Variants in MRTFA observed in about 807,000 individuals in gnomAD.
The protein encoded by MRTFA is myocardin related transcription factor A.
MRTFA carries 20 observed loss-of-function variants against 83.5 expected under a neutral mutation model. That is an observed-to-expected ratio of 0.24 (90% confidence interval 0.17 to 0.35). MRTFA has a LOEUF of 0.35. Among genes scored for constraint, MRTFA ranks in the 10% least tolerant of loss-of-function variants. The pLI is 1.00. For missense variants in MRTFA, 1,200 were observed against 1,224.7 expected, an observed-to-expected ratio of 0.98 and a Z score of 0.30; for synonymous variants, 659 against 541.2, an observed-to-expected ratio of 1.22 and a Z score of -3.02.
rs1424892648 is a variant in MRTFA, at chr22:40,416,207, C to A, written c.2578+779G>T. 6.6e-6 allele frequency among the ~76,000 whole-genome samples: 1 copy of A among 152,156 alleles called. No homozygotes were observed. Among genetic ancestry groups the A allele is most frequent in the African/African-American group, 2.4e-5 (1 of 41,412 alleles). ...GCCCTTGAAGTCATCCTTGGCTGTT[C>A]CTTCCCTCTCCCCCCACTTCATCCA... On this transcript the variant is annotated intron_variant, in intron 14 of 14. Transcript: ENST00000355630. This position sits in a 1 kb window ranked among gnomAD's most constrained non-coding sequence, Gnocchi z 4.2.
intron 6 of MRTFA, among the ~76,000 whole-genome samples, chr22:40,430,950 T>C (rs989517030): frequency 2.0e-5 from 3 of 149,332 alleles, no homozygotes; most frequent in African/African-American, 7.4e-5. Flanking sequence ...TAGAATAATA[T>C]TGGATGGAGC....
At chr22:40,451,628 G>GCA (rs930311842) in intron 4 of MRTFA, among the ~76,000 whole-genome samples, 1 of 152,148 alleles carries the variant, frequency 6.6e-6, no homozygotes, top group Non-Finnish European at 1.5e-5. Context: ...AGACAGGTGA[G>GCA]CACACAATCT....
chr22:40,508,580 T>C (rs1173625515), intron 3 of MRTFA, among the ~76,000 whole-genome samples: 2 of 147,616 alleles, frequency 1.4e-5, no homozygotes, highest in African/African-American at 5.0e-5. Context: ...ATGGATATAA[T>C]GTATTCTGTT....
intron 3 of MRTFA, among the ~76,000 whole-genome samples, chr22:40,502,304 C>G (rs1320229040): frequency 8.4e-6 from 1 of 119,528 alleles, no homozygotes; most frequent in African/African-American, 3.5e-5. Flanking sequence ...ACTTCTCAGA[C>G]GGGGTGGTTG....
chr22:40,440,370 G>C (rs1363691768), intron 4 of MRTFA, among the ~76,000 whole-genome samples: 1 of 152,190 alleles, frequency 6.6e-6, no homozygotes, highest in Non-Finnish European at 1.5e-5. Context: ...CCCAGGTCTA[G>C]TTCTGCCTTT....
intron 3 of MRTFA, among the ~76,000 whole-genome samples, chr22:40,469,129 ACT>A (rs1265565825): frequency 6.6e-6 from 1 of 152,144 alleles, no homozygotes; most frequent in Non-Finnish European, 1.5e-5. Context: ...AATCTACCTC[ACT>A]CTCAACAATA....
chr22:40,576,087 G>A (rs995470692), intron 2 of MRTFA, among the ~76,000 whole-genome samples: 4 of 147,234 alleles, frequency 2.7e-5, no homozygotes, highest in Non-Finnish European at 5.9e-5. Context: ...GGAGTACAGT[G>A]GCATGATCTC....
chr22:40,472,077 A>G (rs1484963109), intron 3 of MRTFA, among the ~76,000 whole-genome samples: 1 of 152,226 alleles, frequency 6.6e-6, no homozygotes, highest in Non-Finnish European at 1.5e-5. Flanking sequence ...TAGGAAATGA[A>G]GCCAGGACTG....
rs148664570 is a variant in MRTFA, at chr22:40,492,969, C to T, written c.242-29683G>A. 9.9e-3 allele frequency among the ~76,000 whole-genome samples: 1,502 copies of T among 152,274 alleles called. 26 individuals carry two copies. Among genetic ancestry groups the T allele is most frequent in the South Asian group, 0.013 (63 of 4,828 alleles). ...CTTTCCTTTAGAAAGACAATATAGGCTCTTAAGATGCTGGCTAGAGTCAGA... is the reference window on the plus strand; with the variant it reads ...CTTTCCTTTAGAAAGACAATATAGGTTCTTAAGATGCTGGCTAGAGTCAGA... On this transcript the variant is annotated intron_variant, in intron 3 of 14. Coordinates refer to ENST00000355630, the MANE Select transcript of MRTFA (RefSeq NM_020831.6).
rs552795827 is a variant in MRTFA, at chr22:40,464,325, A to C, written c.242-1039T>G. Reference sequence around the variant, plus strand: ...CTGTCTCAGGAAAAAAAAAAAAAAAAAAAAAAACAACTATCTTTCTTTCAA... The same window carrying C: ...CTGTCTCAGGAAAAAAAAAAAAAAACAAAAAAACAACTATCTTTCTTTCAA... On this transcript the variant is annotated intron_variant, in intron 3 of 14. Transcript: ENST00000355630. Among the ~76,000 whole-genome samples, 6 of 150,796 alleles carry C rather than the reference A, an allele frequency of 4.0e-5. No homozygotes were observed. The East Asian group carries it at 5.8e-4, about 15-fold the overall frequency.
Position 40,510,349 on chromosome 22 carries a change from T to A in MRTFA, c.241+41757A>T, listed in dbSNP as rs541084780. Among the ~76,000 whole-genome samples the A allele has an allele frequency of 4.2e-4, 64 of 152,052 alleles. No individual in the cohort carries two copies. In the South Asian group the frequency reaches 4.4e-3, roughly 10 times the overall value. On this transcript the variant is annotated intron_variant, in intron 3 of 14. Transcript: ENST00000355630. ...TTTAAGCAACTTCTCGGTGAAGGAATATATAAGGCTGATCACAAAGAAGGC... is the reference window on the plus strand; with the variant it reads ...TTTAAGCAACTTCTCGGTGAAGGAAAATATAAGGCTGATCACAAAGAAGGC...
At chr22:40,507,857 G>A (rs1650495344) in intron 3 of MRTFA, among the ~76,000 whole-genome samples, 2 of 150,398 alleles carry the variant, frequency 1.3e-5, no homozygotes, top group Non-Finnish European at 3.0e-5. Context: ...CAGCTACCAG[G>A]AAGGCTGAGG....
chr22:40,467,895 C>T (rs1450744896), intron 3 of MRTFA, among the ~76,000 whole-genome samples: 1 of 152,076 alleles, frequency 6.6e-6, no homozygotes, highest in Admixed American at 6.5e-5. Flanking sequence ...TGTGAACAAC[C>T]TATACATAGA....
chr22:40,578,575 T>A (rs2055901048), intron 2 of MRTFA, among the ~76,000 whole-genome samples: 1 of 152,096 alleles, frequency 6.6e-6, no homozygotes, highest in Non-Finnish European at 1.5e-5. Context: ...AAGACCAGCA[T>A]GGGCAATGTA....
At chr22:40,531,422 TC>T (rs1368067093) in intron 3 of MRTFA, among the ~76,000 whole-genome samples, 7 of 152,004 alleles carry the variant, frequency 4.6e-5, no homozygotes, top group Non-Finnish European at 1.0e-4. Flanking sequence ...TGAACATGTC[TC>T]ACCAAAACCC....
chr22:40,429,513 C>T, intron 7 of MRTFA, 93 bp downstream of exon 7: 1 of 1,466,106 alleles, frequency 6.8e-7, no homozygotes, highest in Non-Finnish European at 9.5e-7. Flanking sequence ...ATTAAGAAGT[C>T]AAGAGCCTCA....
chr22:40,617,219 A>AGGGAGGGC (rs1411367996), intron 1 of MRTFA, among the ~76,000 whole-genome samples: 1 of 17,818 alleles, frequency 5.6e-5, no homozygotes, highest in Non-Finnish European at 1.0e-4. Context: ...GGAGGGAGGG[A>AGGGAGGGC]GGGCGGGCAG....
At chr22:40,548,891 C>CAA (rs879301578) in intron 3 of MRTFA, among the ~76,000 whole-genome samples, 4 of 128,158 alleles carry the variant, frequency 3.1e-5, no homozygotes, top group African/African-American at 5.7e-5. Flanking sequence ...CTTACATCTA[C>CAA]AAAAAAAAAA....
chr22:40,561,476 G>C (rs573142687), intron 2 of MRTFA, among the ~76,000 whole-genome samples: 6 of 146,438 alleles, frequency 4.1e-5, no homozygotes, highest in Non-Finnish European at 6.0e-5. Flanking sequence ...GGATGATGGA[G>C]TGAAACTATG....
Sources: gnomAD v4.1 joint callset for allele counts (sites outside exome capture counted in the v4.1 genomes callset) on GRCh38, gnomAD v4.1.1 for gene constraint, Gnocchi (gnomAD v3.1) non-coding constraint, MANE v1.5 for transcripts, NCBI Gene and HGNC (gene_info 2026-07-23, HGNC 2026-07-21) for gene names.